The following MMP17 variants were observed in gnomAD, a reference collection of about 807,000 sequenced individuals.
MMP17 encodes matrix metalloproteinase-17.
In MMP17, 54 loss-of-function variants were observed where a neutral mutation model predicts 49.1. The ratio of observed to expected loss-of-function variants is 1.10; its 90% CI spans 0.88 to 1.38. The LOEUF (loss-of-function observed/expected upper bound fraction) is 1.38, where lower values mean the gene tolerates loss of function less well. MMP17 is among the 40% of genes most tolerant of loss of function. MMP17 has a pLI of 0.00. For synonymous variants in MMP17, 397 were observed against 383.1 expected (o/e 1.04, Z -0.42); for missense variants, 837 against 853.7 (o/e 0.98, Z 0.24).
At position 131,844,072 on chromosome 12, in the gene MMP17, C is replaced by G; in HGVS notation, c.959C>G (p.Ser320Cys). 6.4e-7 allele frequency: 1 copy of G among 1,560,312 alleles called. No homozygotes were observed. Among genetic ancestry groups the G allele is most frequent in the Non-Finnish European group, 8.7e-7 (1 of 1,155,526 alleles). The change falls in exon 6 of 10, where the codon TCC becomes TGC. Residue 320 changes from serine (S) to cysteine (C), a missense_variant. Coordinates refer to ENST00000360564, the MANE Select transcript of MMP17 (RefSeq NM_016155.7). Reference sequence around the variant, plus strand: ...CTGCCGGAGCCCCCAGACAACCGGTCCAGCGCCCCGTAAGCCCTGGGCCCA... The same window carrying G: ...CTGCCGGAGCCCCCAGACAACCGGTGCAGCGCCCCGTAAGCCCTGGGCCCA... ...PLLPEPPDNR[S>C]SAPPRKDVPH... is the part of the protein sequence containing the mutation.
At chr12:131,850,504 T>C (rs763305961) in intron 9 of MMP17, among the ~76,000 whole-genome samples, 7 of 152,184 alleles carry the variant, frequency 4.6e-5, no homozygotes, top group Non-Finnish European at 5.9e-5. Flanking sequence ...GCATCCTCTG[T>C]TTTGTTTTCA....
Position 131,845,293 on chromosome 12 carries a change from C to A in MMP17, c.1052-4C>A, listed in dbSNP as rs749611475. On this transcript the variant is annotated splice_polypyrimidine_tract_variant and splice_region_variant and intron_variant, in intron 7 of 9. Transcript: ENST00000360564. ...CAGCCCGGCCCTCCCCTCTGTGCCC[C>A]CAGGCAAGTACTTCTGGCGGCTGAC... 6.2e-7 allele frequency: 1 copy of A among 1,610,240 alleles called. No homozygotes were observed. Among genetic ancestry groups the A allele is most frequent in the African/African-American group, 1.3e-5 (1 of 75,024 alleles).
intron 8 of MMP17, among the ~76,000 whole-genome samples, chr12:131,847,887 C>G (rs1478109113): frequency 2.6e-5 from 4 of 152,284 alleles, no homozygotes; most frequent in African/African-American, 9.6e-5. Flanking sequence ...CCCCCTCTGT[C>G]CCCTGTGTCG....
At position 131,844,012 on chromosome 12, in the gene MMP17, T is replaced by C; in HGVS notation, c.899T>C (p.Val300Ala). 3.2e-6 allele frequency: 5 copies of C among 1,564,568 alleles called. No individual in the cohort carries two copies. The highest frequency in any genetic ancestry group is 4.3e-6 in the Non-Finnish European group (5 of 1,156,514). ...VWQLYGVRES[V>A]SPTAQPEEPP... ...TCTCCCGCAGGTGTGCGGGAGTCTG[T>C]GTCTCCCACGGCGCAGCCCGAGGAG... Residue 300 changes from valine (V) to alanine (A), a missense_variant, in exon 6 of 10, where the codon GTG becomes GCG. Val to Ala is a moderately conservative substitution (Grantham distance 64). Coordinates refer to ENST00000360564, the MANE Select transcript of MMP17 (RefSeq NM_016155.7).
intron 3 of MMP17, among the ~76,000 whole-genome samples, chr12:131,839,317 C>CTT (rs112712084): frequency 2.8e-5 from 4 of 145,434 alleles, no homozygotes; most frequent in Admixed American, 6.9e-5. Context: ...GACCCTATTT[C>CTT]TTTTTTTTTT....
intron 6 of MMP17, chr12:131,844,395 A>G (rs1351356121): frequency 4.8e-6 from 2 of 418,598 alleles, no homozygotes. Context: ...CAGCATCAGG[A>G]AGTCAGGCAG....
chr12:131,835,332 TG>T (rs1273875368), intron 1 of MMP17, among the ~76,000 whole-genome samples: 1 of 152,236 alleles, frequency 6.6e-6, no homozygotes, highest in East Asian at 1.9e-4. Flanking sequence ...GCTGGGGCCC[TG>T]GTTCTATGAG....
At position 131,844,093 on chromosome 12, in the gene MMP17, G is replaced by T; in HGVS notation, c.968+12G>T. ...CGGTCCAGCGCCCCGTAAGCCCTGGGCCCACGGTCACCACCCGCTGGGGTC... is the reference window on the plus strand; with the variant it reads ...CGGTCCAGCGCCCCGTAAGCCCTGGTCCCACGGTCACCACCCGCTGGGGTC... On this transcript the variant is annotated intron_variant, in intron 6 of 9. Coordinates refer to ENST00000360564, the MANE Select transcript of MMP17 (RefSeq NM_016155.7). 6.5e-7 allele frequency: 1 copy of T among 1,547,930 alleles called. No individual in the cohort carries two copies. Among genetic ancestry groups the T allele is most frequent in the Non-Finnish European group, 8.7e-7 (1 of 1,149,708 alleles).
intron 9 of MMP17, 140 bp downstream of exon 9, chr12:131,850,199 C>A: frequency 8.2e-7 from 1 of 1,212,666 alleles, no homozygotes; most frequent in Non-Finnish European, 1.1e-6. Context: ...CAGCCCCTCG[C>A]CTGGAGCTGC....
intron 8 of MMP17, among the ~76,000 whole-genome samples, chr12:131,848,213 G>A (rs1322407673): frequency 6.6e-6 from 1 of 152,130 alleles, no homozygotes; most frequent in Non-Finnish European, 1.5e-5. Context: ...AGGCTCCTGA[G>A]TAGCTGAGAC....
At chr12:131,833,910 A>C (rs1013829664) in intron 1 of MMP17, among the ~76,000 whole-genome samples, 1 of 152,234 alleles carries the variant, frequency 6.6e-6, no homozygotes, top group African/African-American at 2.4e-5. Context: ...TAAACTCCCC[A>C]AAAACCATAA....
chr12:131,838,549 G>C, intron 2 of MMP17, 63 bp from the exon 3 acceptor site: 24 of 1,547,672 alleles, frequency 1.6e-5, no homozygotes, highest in Non-Finnish European at 2.0e-5. Context: ...CCTTGCGGAT[G>C]CTCGGGATCC....
At chr12:131,844,954 G>A in intron 6 of MMP17, 164 bp from the exon 7 acceptor site, 2 of 655,080 alleles carry the variant, frequency 3.1e-6, no homozygotes, top group South Asian at 3.6e-5. Flanking sequence ...CGGTGGACAG[G>A]CACCCCCGTT....
rs774968889 is a variant in MMP17 at position 131,838,355 on chromosome 12, G to A, written c.292+28G>A. ...CAGTTCTCCAGGGGGCAGCGGGAGCGCCGTGGCCCCCGTCAGGTCTGCGCC... is the reference window on the plus strand; with the variant it reads ...CAGTTCTCCAGGGGGCAGCGGGAGCACCGTGGCCCCCGTCAGGTCTGCGCC... On this transcript the variant is annotated intron_variant, in intron 2 of 9. Coordinates refer to ENST00000360564, the MANE Select transcript of MMP17 (RefSeq NM_016155.7). 2.0e-5 allele frequency: 32 copies of A among 1,608,236 alleles called. No individual in the cohort carries two copies. In the African/African-American group the frequency reaches 2.1e-4, roughly 11 times the overall value.
chr12:131,842,881 A>G (rs1222313089), intron 5 of MMP17, among the ~76,000 whole-genome samples: 1 of 151,942 alleles, frequency 6.6e-6, no homozygotes, highest in Non-Finnish European at 1.5e-5. Context: ...GAACTTTTTC[A>G]TCACCCACTA....
At chr12:131,836,512 GT>G (rs1474423924) in intron 1 of MMP17, among the ~76,000 whole-genome samples, 2 of 140,456 alleles carry the variant, frequency 1.4e-5, no homozygotes, top group East Asian at 2.0e-4. Context: ...AAAAAGTTAT[GT>G]TTTTTTCATT....
In MMP17 at chr12:131,828,486, G is replaced by T. The variant is rs1309294353; in HGVS notation, c.-9G>T. Reference sequence around the variant, plus strand: ...CCCTGCACGCCGCCCGCGGGCCCATGTGAGCGCCATGCGGCGCCGCGCAGC... The same window carrying T: ...CCCTGCACGCCGCCCGCGGGCCCATTTGAGCGCCATGCGGCGCCGCGCAGC... On this transcript the variant is annotated 5_prime_UTR_variant, in exon 1 of 10. An upstream start codon of the reference 5' UTR is lost. Transcript: ENST00000360564. 2.0e-6 allele frequency: 2 copies of T among 992,722 alleles called. No individual in the cohort carries two copies. The highest frequency in any genetic ancestry group is 1.8e-5 in the African/African-American group (1 of 56,988). 61.5% of individuals were successfully genotyped at this position (992,722 alleles called of 1,614,324 possible).
At chr12:131,849,740 G>A in intron 8 of MMP17, 62 bp from the exon 9 acceptor site, 3 of 1,544,344 alleles carry the variant, frequency 1.9e-6, no homozygotes, top group South Asian at 1.3e-5. Flanking sequence ...GGAAAGGCAG[G>A]AGCCTCCTGC....
intron 3 of MMP17, among the ~76,000 whole-genome samples, chr12:131,839,224 C>T (rs1887254078): frequency 6.6e-6 from 1 of 152,170 alleles, no homozygotes; most frequent in Non-Finnish European, 1.5e-5. Flanking sequence ...GCCTCCTCTC[C>T]CGTGTCTCCA....
Sources: allele counts gnomAD v4.1 joint callset (sites outside exome capture counted in the v4.1 genomes callset), GRCh38; gene constraint gnomAD v4.1.1; transcripts MANE v1.5; gene names NCBI Gene and HGNC (gene_info 2026-07-23, HGNC 2026-07-21).